Variants in TRPM3 observed in about 807,000 individuals in gnomAD.
TRPM3 encodes the protein long transient receptor potential channel 3.
In TRPM3, 77 loss-of-function variants were observed where a neutral mutation model predicts 181.2. The ratio of observed to expected loss-of-function variants is 0.42; its 90% CI spans 0.35 to 0.51. The LOEUF (loss-of-function observed/expected upper bound fraction) is 0.51. Ranked by LOEUF, TRPM3 falls within the 20% of genes least tolerant of loss-of-function variation. The pLI is 0.01. For synonymous variants in TRPM3, 745 were observed against 796.4 expected, an observed-to-expected ratio of 0.94 and a Z score of 1.09; for missense variants, 1,759 against 2,196.7, an observed-to-expected ratio of 0.80 and a Z score of 3.98.
intron 1 of TRPM3, among the ~76,000 whole-genome samples, chr9:71,235,462 A>G (rs2081303839): frequency 6.6e-6 from 1 of 152,238 alleles, no homozygotes; most frequent in Admixed American, 6.5e-5. Flanking sequence ...CCTAGTACAT[A>G]CTGGGTAATC....
intron 6 of TRPM3, among the ~76,000 whole-genome samples, chr9:70,817,631 A>C (rs1407506608): frequency 6.6e-6 from 1 of 152,180 alleles, no homozygotes; most frequent in East Asian, 1.9e-4. Context: ...ATCTCCTGCC[A>C]ATCTAATCTC....
intron 1 of TRPM3, among the ~76,000 whole-genome samples, chr9:71,235,690 G>A (rs975945246): frequency 2.0e-5 from 3 of 152,146 alleles, no homozygotes; most frequent in Admixed American, 6.5e-5. Flanking sequence ...GTAAGTGTTT[G>A]TTTTCTTTAG....
At chr9:71,069,226 A>G (rs2062360949) in intron 1 of TRPM3, among the ~76,000 whole-genome samples, 1 of 152,246 alleles carries the variant, frequency 6.6e-6, no homozygotes, top group East Asian at 1.9e-4. Context: ...CTGTGTCGAC[A>G]GGCTGGAGTG....
At chr9:71,385,285 T>C (rs975735722) in intron 1 of TRPM3, among the ~76,000 whole-genome samples, 4 of 152,068 alleles carry the variant, frequency 2.6e-5, no homozygotes, top group Admixed American at 1.3e-4. Context: ...TTTCTTTCTT[T>C]AATAACTATT....
chr9:71,005,785 A>T (rs2097667012), intron 1 of TRPM3, among the ~76,000 whole-genome samples: 1 of 152,222 alleles, frequency 6.6e-6, no homozygotes, highest in Non-Finnish European at 1.5e-5. Context: ...GAATTATTTA[A>T]TCTAAAAGAA....
At chr9:70,660,170 AG>A (rs1334249508) in intron 9 of TRPM3, among the ~76,000 whole-genome samples, 7 of 152,256 alleles carry the variant, frequency 4.6e-5, no homozygotes, top group Admixed American at 3.3e-4. Flanking sequence ...AAAAAAGAAA[AG>A]GGGGAGTATG....
At chr9:71,220,990 A>C (rs1253263532) in intron 1 of TRPM3, among the ~76,000 whole-genome samples, 1 of 152,100 alleles carries the variant, frequency 6.6e-6, no homozygotes, top group Non-Finnish European at 1.5e-5. Context: ...AGGTAGTACA[A>C]TGTGAGACGG....
intron 1 of TRPM3, among the ~76,000 whole-genome samples, chr9:70,873,739 G>A (rs563748302): frequency 9.9e-5 from 15 of 151,990 alleles, no homozygotes; most frequent in African/African-American, 3.6e-4. Context: ...CTTCCATTAG[G>A]GGAAGAGTCA....
intron 8 of TRPM3, among the ~76,000 whole-genome samples, chr9:70,686,302 T>C (rs2134329396): frequency 6.6e-6 from 1 of 152,342 alleles, no homozygotes; most frequent in East Asian, 1.9e-4. Flanking sequence ...AGTCTTCCGC[T>C]AATGAACATT....
intron 9 of TRPM3, among the ~76,000 whole-genome samples, chr9:70,668,193 C>T (rs10746854): frequency 0.65 from 99,480 of 151,916 alleles, 32,973 homozygotes; most frequent in African/African-American, 0.75. Context: ...GAGCAAGTGT[C>T]CTGGACTCAG....
At chr9:71,128,686 TGATA>T (rs1019926919) in intron 1 of TRPM3, among the ~76,000 whole-genome samples, 3 of 152,212 alleles carry the variant, frequency 2.0e-5, no homozygotes, top group African/African-American at 7.2e-5. Flanking sequence ...TTGACCAACT[TGATA>T]AATAACTTAC....
chr9:71,268,181 C>T (rs557252360), intron 1 of TRPM3, among the ~76,000 whole-genome samples: 14 of 151,414 alleles, frequency 9.2e-5, no homozygotes, highest in Non-Finnish European at 1.5e-4. Flanking sequence ...AGGAGTTCAA[C>T]GCCAGCCTGG....
chr9:70,675,978 T>C (rs1359321112), intron 9 of TRPM3, among the ~76,000 whole-genome samples: 1 of 152,236 alleles, frequency 6.6e-6, no homozygotes, highest in Non-Finnish European at 1.5e-5. Context: ...AGTTTTTAAC[T>C]TAATACCCTT....
chr9:71,159,190 T>C (rs1450778536), intron 1 of TRPM3, among the ~76,000 whole-genome samples: 1 of 152,054 alleles, frequency 6.6e-6, no homozygotes, highest in East Asian at 1.9e-4. Flanking sequence ...TGTGTGGGTA[T>C]GTATGTGTCC....
intron 1 of TRPM3, among the ~76,000 whole-genome samples, chr9:71,425,094 A>G (rs1588973621): frequency 1.4e-5 from 2 of 143,464 alleles, no homozygotes; most frequent in African/African-American, 5.4e-5. Context: ...CATTACCTAC[A>G]TATGTCTCTG....
chr9:71,408,390 A>C (rs1348146493), intron 1 of TRPM3, among the ~76,000 whole-genome samples: 1 of 152,202 alleles, frequency 6.6e-6, no homozygotes, highest in Non-Finnish European at 1.5e-5. Flanking sequence ...AAGAATAGAG[A>C]GCATAGAGAA....
At chr9:71,079,212 G>A (rs1179444946) in intron 1 of TRPM3, among the ~76,000 whole-genome samples, 1 of 152,162 alleles carries the variant, frequency 6.6e-6, no homozygotes, top group Non-Finnish European at 1.5e-5. Flanking sequence ...TGGAACTTGG[G>A]TAAACCACTA....
upstream of TRPM3, among the ~76,000 whole-genome samples, chr9:71,125,272 T>C (rs1172119315): frequency 1.3e-5 from 2 of 152,182 alleles, no homozygotes; most frequent in Non-Finnish European, 2.9e-5. Flanking sequence ...GGTAAATGTG[T>C]GCCATGGTGG....
chr9:71,423,241 A>C (rs2093808490), intron 1 of TRPM3, among the ~76,000 whole-genome samples: 1 of 152,102 alleles, frequency 6.6e-6, no homozygotes, highest in Non-Finnish European at 1.5e-5. Flanking sequence ...TAGACTGAAA[A>C]CATTATAAGA....
Sources: gnomAD v4.1 joint callset for allele counts (sites outside exome capture counted in the v4.1 genomes callset) on GRCh38, gnomAD v4.1.1 for gene constraint, MANE v1.5 for transcripts, NCBI Gene and HGNC (gene_info 2026-07-23, HGNC 2026-07-21) for gene names.